GTF3C1: variants seen among roughly 807,000 people sequenced by gnomAD.
The protein encoded by GTF3C1 is general transcription factor IIIC subunit 1.
In GTF3C1, 57 loss-of-function variants were observed where a neutral mutation model predicts 226.7. The ratio of observed to expected loss-of-function variants is 0.25; its 90% CI spans 0.20 to 0.31. GTF3C1 has a LOEUF of 0.31. Among genes scored for constraint, GTF3C1 ranks in the 10% least tolerant of loss-of-function variants. GTF3C1 has a pLI of 1.00. For synonymous variants in GTF3C1, 1,090 were observed against 1,084.8 expected (o/e 1.00, Z -0.09); for missense variants, 2,217 against 2,776.1 (o/e 0.80, Z 4.53).
At chr16:27,487,755 T>C (rs1473052469) in intron 23 of GTF3C1, among the ~76,000 whole-genome samples, 1 of 152,170 alleles carries the variant, frequency 6.6e-6, no homozygotes, top group Non-Finnish European at 1.5e-5. Context: ...ATCACACCAC[T>C]GCACTCCAGC....
At chr16:27,549,639 G>T in intron 1 of GTF3C1, 31 bp downstream of exon 1, 1 of 480,244 alleles carries the variant, frequency 2.1e-6, no homozygotes. Flanking sequence ...GCGCCCGCCC[G>T]CCCGCCCGCC....
chr16:27,534,969 A>T lies in GTF3C1; in HGVS notation c.753-1582T>A, dbSNP rs536205034. 4.2e-4 allele frequency among the ~76,000 whole-genome samples: 64 copies of T among 152,244 alleles called. 1 individual carries two copies. The South Asian group carries it at 5.2e-3, about 12-fold the overall frequency. On this transcript the variant is annotated intron_variant, in intron 4 of 36. Coordinates refer to ENST00000356183, the MANE Select transcript of GTF3C1 (RefSeq NM_001520.4). ...CAAACTGTATAACATTAGAAATATT[A>T]AAAAAATTAAGAAAAAGGTATGTCA...
chr16:27,545,486 A>T lies in GTF3C1; in HGVS notation c.259T>A (p.Ser87Thr). 6.2e-7 allele frequency: 1 copy of T among 1,611,542 alleles called. No homozygotes were observed. The highest frequency in any genetic ancestry group is 8.5e-7 in the Non-Finnish European group (1 of 1,177,738). ...TCCAAAGCCACCGGGTCCCTCCTAG[A>T]CTCCAAAATTCCAGTTTCCAAATCA... ...EIDLETGILESRRDPVALEDV... is the reference protein window; with the variant it reads ...EIDLETGILETRRDPVALEDV... Residue 87 changes from serine to threonine, a missense_variant, in exon 2 of 37, where the codon TCT (serine) becomes ACT (threonine). Around this residue, in one of 12 missense-constraint regions of GTF3C1, gnomAD observed 192 missense variants for 251.8 expected, o/e 0.76. Coordinates refer to ENST00000356183, the MANE Select transcript of GTF3C1 (RefSeq NM_001520.4).
In GTF3C1 at chr16:27,482,948, G is replaced by T; in HGVS notation, c.4083+96C>A. On this transcript the variant is annotated intron_variant, in intron 26 of 36. Transcript: ENST00000356183. ...CAGGAAACAAAGTCCACGTTCCTAA[G>T]GCTGGCAGGGGCACTGTGGGATGAG... is the stretch of plus-strand genomic sequence containing the variant. The T allele has an allele frequency of 4.0e-6, 4 of 1,004,358 alleles. No homozygotes were observed. The South Asian group carries it at 4.1e-5, about 10-fold the overall frequency. 62.2% of individuals were successfully genotyped at this position (1,004,358 alleles called of 1,614,324 possible). A position where few individuals can be genotyped will look rare whatever the true frequency, so the allele number is the denominator to read the frequency against.
rs940833633 is a variant in GTF3C1 at position 27,462,333 on chromosome 16, C to T, written c.6078G>A (p.Gln2026=). 1.6e-5 allele frequency: 25 copies of T among 1,567,258 alleles called. No homozygotes were observed. Among genetic ancestry groups the T allele is most frequent in the Admixed American group, 3.8e-5 (2 of 52,736 alleles). ...IPESSLLRHY[Q]GVLQPVAVLE... ...GCACGGCGACGGGCTGCAGGACCCC[C>T]TGGTAGTGGCGCAGCAGGGAGCTCT... Residue 2026 remains glutamine (Q), a synonymous_variant, in exon 36 of 37, where the codon CAG becomes CAA. Coordinates refer to ENST00000356183, the MANE Select transcript of GTF3C1 (RefSeq NM_001520.4). This position sits in a 1 kb window ranked among gnomAD's most constrained non-coding sequence, Gnocchi z 4.5.
intron 1 of GTF3C1, 145 bp downstream of exon 1, chr16:27,549,525 T>C: frequency 1.6e-6 from 1 of 611,600 alleles, no homozygotes; most frequent in South Asian, 2.0e-5. Flanking sequence ...GACCCCAGAT[T>C]AGCCTTACCG....
At chr16:27,527,406 C>T (rs2088848752) in intron 6 of GTF3C1, among the ~76,000 whole-genome samples, 1 of 152,164 alleles carries the variant, frequency 6.6e-6, no homozygotes, top group African/African-American at 2.4e-5. Context: ...TGGTCTCCAA[C>T]TCCAGACCTC....
At chr16:27,518,612 G>A (rs1287460772) in intron 6 of GTF3C1, among the ~76,000 whole-genome samples, 1 of 152,186 alleles carries the variant, frequency 6.6e-6, no homozygotes, top group East Asian at 1.9e-4. Flanking sequence ...AGTGCTTGGG[G>A]CCTTTAATTC....
intron 25 of GTF3C1, 46 bp downstream of exon 25, chr16:27,484,165 A>G (rs762114349): frequency 1.4e-6 from 2 of 1,436,028 alleles, no homozygotes; most frequent in South Asian, 1.1e-5. Flanking sequence ...AGCAAACGGG[A>G]TAACGTAACC....
chr16:27,481,300 C>T (rs934772749), intron 26 of GTF3C1, 109 bp from the exon 27 acceptor site: 39 of 890,102 alleles, frequency 4.4e-5, no homozygotes, highest in South Asian at 2.8e-4. Context: ...CAGCTAAGTC[C>T]GAGAACCACT....
chr16:27,515,354 CAGG>C (rs759871831), intron 6 of GTF3C1, among the ~76,000 whole-genome samples: 4 of 151,710 alleles, frequency 2.6e-5, no homozygotes, highest in Non-Finnish European at 4.4e-5. Context: ...AAGGCTGAAG[CAGG>C]AGGATTGCTT....
At chr16:27,535,375 C>A (rs1214835321) in intron 4 of GTF3C1, among the ~76,000 whole-genome samples, 1 of 152,130 alleles carries the variant, frequency 6.6e-6, no homozygotes, top group African/African-American at 2.4e-5. Context: ...GAGTTCGAGA[C>A]CAGCCTGACC....
rs1177493069 is a variant in GTF3C1, at chr16:27,507,095, T to G, written c.1304A>C (p.Glu435Ala). 6.2e-7 allele frequency: 1 copy of G among 1,613,572 alleles called. No individual in the cohort carries two copies. The highest frequency in any genetic ancestry group is 2.2e-5 in the East Asian group (1 of 44,890). The stretch of plus-strand genomic sequence containing the variant: ...GTACTGCCGGCTTAGGTCGCTCTCC[T>G]CTGCAAACACGCAGGAAATGTACTT... The part of the protein sequence containing the change: ...TTKYISCVFA[E>A]ESDLSRQYQR... The change falls in exon 9 of 37, where the codon GAG becomes GCG. Residue 435 changes from glutamate to alanine, a missense_variant. By Grantham distance (107) the Glu-to-Ala change is moderately radical (BLOSUM62 -1). Transcript: ENST00000356183. This position sits in a 1 kb window ranked among gnomAD's most constrained non-coding sequence, Gnocchi z 4.9.
chr16:27,532,691 A>G (rs1461650307), intron 5 of GTF3C1, among the ~76,000 whole-genome samples: 1 of 152,194 alleles, frequency 6.6e-6, no homozygotes, highest in Non-Finnish European at 1.5e-5. Flanking sequence ...CACTGGGAAC[A>G]AGATCATAAG....
intron 29 of GTF3C1, 70 bp downstream of exon 29, chr16:27,476,381 C>G (rs1399284992): frequency 2.1e-6 from 2 of 951,312 alleles, no homozygotes; most frequent in Non-Finnish European, 3.4e-6. Context: ...AGGGCAGGGG[C>G]CAGCACCTCA....
intron 24 of GTF3C1, among the ~76,000 whole-genome samples, chr16:27,485,376 C>A (rs968403084): frequency 1.3e-5 from 2 of 152,262 alleles, no homozygotes; most frequent in African/African-American, 2.4e-5. Context: ...TGTGGACCAG[C>A]CACGCCGGTG....
In GTF3C1 at chr16:27,544,972, TC is replaced by T. The variant is rs1303933375; in HGVS notation, c.431+341del. The stretch of plus-strand genomic sequence containing the variant: ...CTCAGATTCCCAGGAATTTCTTTTT[TC>T]CTTTTTTTTTTTTTTTGTAGACAGG... On this transcript the variant is annotated intron_variant, in intron 2 of 36. Coordinates refer to ENST00000356183, the MANE Select transcript of GTF3C1 (RefSeq NM_001520.4). 1.7e-4 allele frequency among the ~76,000 whole-genome samples: 14 copies of T among 83,866 alleles called. No homozygotes were observed. In the East Asian group the frequency reaches 7.2e-3, roughly 43 times the overall value. 55.0% of individuals were successfully genotyped at this position (83,866 alleles called of 152,430 possible). A position where few individuals can be genotyped will look rare whatever the true frequency, so the allele number is the denominator to read the frequency against.
At chr16:27,514,475 C>A (rs1266915695) in intron 6 of GTF3C1, among the ~76,000 whole-genome samples, 1 of 152,124 alleles carries the variant, frequency 6.6e-6, no homozygotes, top group Non-Finnish European at 1.5e-5. Flanking sequence ...ACAAGCAGCA[C>A]CTCTAGCAGC....
At chr16:27,542,820 G>T (rs2089107265) in intron 2 of GTF3C1, among the ~76,000 whole-genome samples, 2 of 152,180 alleles carry the variant, frequency 1.3e-5, no homozygotes, top group African/African-American at 4.8e-5. Context: ...CTATAAGGCA[G>T]CACGTAAGTC....
Sources: allele counts gnomAD v4.1 joint callset (sites outside exome capture counted in the v4.1 genomes callset), GRCh38; gene constraint gnomAD v4.1.1; regional missense constraint gnomAD v4.1.1; non-coding constraint Gnocchi (gnomAD v3.1); transcripts MANE v1.5; gene names NCBI Gene and HGNC (gene_info 2026-07-23, HGNC 2026-07-21).